The following PTPRK variants were observed in gnomAD, a reference collection of about 807,000 sequenced individuals.
PTPRK encodes the protein receptor-type tyrosine-protein phosphatase kappa.
PTPRK carries 75 observed loss-of-function variants against 178.0 expected under a neutral mutation model. The ratio of observed to expected loss-of-function variants is 0.42; its 90% confidence interval spans 0.35 to 0.51. The LOEUF (loss-of-function observed/expected upper bound fraction) is 0.51, where lower values mean the gene tolerates loss of function less well. Ranked by LOEUF, PTPRK falls within the 20% of genes least tolerant of loss-of-function variation. PTPRK has a pLI of 0.02. For missense variants in PTPRK, 1,441 were observed against 1,797.8 expected (o/e 0.80, Z 3.59); for synonymous variants, 637 against 620.6 (o/e 1.03, Z -0.39).
chr6:128,263,842 G>A (rs1406682286), intron 3 of PTPRK, among the ~76,000 whole-genome samples: 2 of 152,150 alleles, frequency 1.3e-5, no homozygotes, highest in African/African-American at 4.8e-5. Context: ...ACATGAAAGA[G>A]TACCTTGTAG....
chr6:128,217,534 TATC>T (rs1809557884), intron 6 of PTPRK, among the ~76,000 whole-genome samples: 1 of 152,328 alleles, frequency 6.6e-6, no homozygotes, highest in African/African-American at 2.4e-5. Context: ...CTGGGTAAAT[TATC>T]ATAAAGTGTG....
At chr6:128,419,706 A>G (rs1421636340) in intron 1 of PTPRK, among the ~76,000 whole-genome samples, 2 of 152,226 alleles carry the variant, frequency 1.3e-5, no homozygotes, top group African/African-American at 2.4e-5. Context: ...TAAATTTCCA[A>G]TAATCTTGCT....
chr6:128,257,399 A>G (rs1817514611), intron 3 of PTPRK, among the ~76,000 whole-genome samples: 1 of 152,120 alleles, frequency 6.6e-6, no homozygotes, highest in African/African-American at 2.4e-5. Context: ...TTGCACCTTA[A>G]AAAGGTCAGT....
At chr6:128,407,631 A>G (rs6938733) in intron 1 of PTPRK, among the ~76,000 whole-genome samples, 123,424 of 127,474 alleles carry the variant, frequency 0.97, 59,845 homozygotes, top group Non-Finnish European at 0.99. Flanking sequence ...GCAAGACCCT[A>G]TCAAAAAAAA....
chr6:128,203,432 A>T (rs1431563720), intron 6 of PTPRK, among the ~76,000 whole-genome samples: 1 of 152,194 alleles, frequency 6.6e-6, no homozygotes, highest in African/African-American at 2.4e-5. Context: ...GGCCAGGGCA[A>T]TCAGGCAAGA....
At chr6:128,044,757 T>C (rs1562486670) in intron 13 of PTPRK, among the ~76,000 whole-genome samples, 2 of 152,130 alleles carry the variant, frequency 1.3e-5, no homozygotes, top group East Asian at 3.9e-4. Flanking sequence ...AATCACATTA[T>C]ACTGCTCTTT....
chr6:128,444,419 T>C (rs1416055375), intron 1 of PTPRK, among the ~76,000 whole-genome samples: 2 of 152,194 alleles, frequency 1.3e-5, no homozygotes, highest in African/African-American at 2.4e-5. Context: ...TTCCTCTTAG[T>C]AATTTTCCAT....
At chr6:128,514,285 G>C (rs1295626639) in intron 1 of PTPRK, among the ~76,000 whole-genome samples, 1 of 151,964 alleles carries the variant, frequency 6.6e-6, no homozygotes, top group African/African-American at 2.4e-5. Context: ...AAAATGTTAA[G>C]TATGGAGTTT....
At chr6:128,040,477 TCAAA>T (rs1264135137) in intron 13 of PTPRK, among the ~76,000 whole-genome samples, 1 of 151,878 alleles carries the variant, frequency 6.6e-6, no homozygotes, top group African/African-American at 2.4e-5. Flanking sequence ...GGAAGTTTCC[TCAAA>T]CAAAGGGCAA....
Position 128,464,659 on chromosome 6 carries a change from A to ATATATG in PTPRK, c.100+55599_100+55600insCATATA, listed in dbSNP as rs1554271953. On this transcript the variant is annotated intron_variant, in intron 1 of 29. Transcript: ENST00000368226. ...TACACATATATATATATATATATAT[A>ATATATG]TATATATATATATATACAACAGATG... Among the ~76,000 whole-genome samples the ATATATG allele has an allele frequency of 5.5e-5, 6 of 108,248 alleles. 1 individual carries two copies. Among genetic ancestry groups the ATATATG allele is most frequent in the African/African-American group, 8.3e-5 (2 of 24,180 alleles). 71.0% of individuals were successfully genotyped at this position (108,248 alleles called of 152,430 possible).
intron 1 of PTPRK, 92 bp downstream of exon 1, chr6:128,520,167 G>T: frequency 8.8e-7 from 1 of 1,142,516 alleles, no homozygotes; most frequent in Non-Finnish European, 1.2e-6. Flanking sequence ...AGCTCCCCAC[G>T]ATCCTTGTCC....
At chr6:128,034,434 A>T (rs2114809939) in intron 13 of PTPRK, among the ~76,000 whole-genome samples, 1 of 152,382 alleles carries the variant, frequency 6.6e-6, no homozygotes, top group African/African-American at 2.4e-5. Flanking sequence ...TCTTTGAAGA[A>T]ATATACTTGC....
intron 2 of PTPRK, among the ~76,000 whole-genome samples, chr6:128,337,357 A>G (rs1831078135): frequency 6.6e-6 from 1 of 152,190 alleles, no homozygotes; most frequent in African/African-American, 2.4e-5. Context: ...TTAAAAGAAT[A>G]GCTTAAGACA....
chr6:128,454,111 T>G (rs891108883), intron 1 of PTPRK, among the ~76,000 whole-genome samples: 3 of 152,164 alleles, frequency 2.0e-5, no homozygotes, highest in Non-Finnish European at 4.4e-5. Flanking sequence ...TTAAGAGACC[T>G]CCGTCCCTTG....
chr6:128,041,761 T>C (rs1455277573), intron 13 of PTPRK, among the ~76,000 whole-genome samples: 3 of 151,758 alleles, frequency 2.0e-5, no homozygotes, highest in African/African-American at 7.3e-5. Flanking sequence ...TATGTGTGTA[T>C]ATGTGTGACT....
chr6:128,016,380 C>G (rs974342877), intron 13 of PTPRK, among the ~76,000 whole-genome samples: 1 of 151,852 alleles, frequency 6.6e-6, no homozygotes, highest in African/African-American at 2.4e-5. Context: ...TCAGATTCTT[C>G]TATGTGTCCC....
At chr6:128,102,722 T>C (rs572373332) in intron 7 of PTPRK, among the ~76,000 whole-genome samples, 2 of 152,340 alleles carry the variant, frequency 1.3e-5, no homozygotes, top group African/African-American at 2.4e-5. Flanking sequence ...TTCAATTACC[T>C]ACCAAATATT....
chr6:128,463,760 T>A (rs1273367363), intron 1 of PTPRK, among the ~76,000 whole-genome samples: 1 of 142,514 alleles, frequency 7.0e-6, no homozygotes, highest in East Asian at 2.0e-4. Flanking sequence ...TTTTTTTTTT[T>A]TTTTTTTTGA....
intron 7 of PTPRK, among the ~76,000 whole-genome samples, chr6:128,093,572 G>T (rs146091754): frequency 0.012 from 1,405 of 115,648 alleles, 24 homozygotes; most frequent in African/African-American, 0.044. Context: ...TCCAGCCTGG[G>T]TGACAGAGCA....
Sources: allele counts gnomAD v4.1 joint callset (sites outside exome capture counted in the v4.1 genomes callset), GRCh38; gene constraint gnomAD v4.1.1; transcripts MANE v1.5; gene names NCBI Gene and HGNC (gene_info 2026-07-23, HGNC 2026-07-21).